The following EDN1 variants were observed in gnomAD, a reference collection of about 807,000 sequenced individuals.
EDN1 encodes endothelin 1.
In EDN1, 11 loss-of-function variants were observed where a neutral mutation model predicts 21.7. The ratio of observed to expected loss-of-function variants is 0.51; its 90% CI spans 0.32 to 0.84. The LOEUF (loss-of-function observed/expected upper bound fraction) is 0.84, where lower values mean the gene tolerates loss of function less well. Ranked by LOEUF, EDN1 falls within the 40% of genes least tolerant of loss-of-function variation. The pLI is 0.03. For missense variants in EDN1, 244 were observed against 262.3 expected (o/e 0.93, Z 0.48); for synonymous variants, 85 against 90.6 (o/e 0.94, Z 0.35).
the EDN1 span, among the ~76,000 whole-genome samples, chr6:12,277,231 G>T: frequency 1.3e-5 from 2 of 152,210 alleles, no homozygotes; most frequent in Admixed American, 6.5e-5. Context: ...ATGCTACTAG[G>T]AGATAGAATT....
the EDN1 span, among the ~76,000 whole-genome samples, chr6:12,281,058 A>G: frequency 6.6e-6 from 1 of 152,166 alleles, no homozygotes; most frequent in African/African-American, 2.4e-5. Flanking sequence ...AAGTCTGGCA[A>G]TTTCAGCTGG....
upstream of EDN1, among the ~76,000 whole-genome samples, chr6:12,289,859 A>T (rs1398144662): frequency 2.0e-5 from 3 of 152,192 alleles, no homozygotes; most frequent in African/African-American, 7.2e-5. Flanking sequence ...TCTGACCCCC[A>T]GTAGTGGGGC....
chr6:12,256,212 A>G, the EDN1 span, among the ~76,000 whole-genome samples: 1 of 152,080 alleles, frequency 6.6e-6, no homozygotes, highest in South Asian at 2.1e-4. Context: ...AAATAGCCAG[A>G]CATGGTGGTG....
At chr6:12,287,330 C>G (rs992656490), upstream of EDN1, among the ~76,000 whole-genome samples, 3 of 151,946 alleles carry the variant, frequency 2.0e-5, no homozygotes, top group Admixed American at 2.0e-4. Context: ...CTCCTTTGTC[C>G]AGCTCTTTTC....
chr6:12,271,363 T>G, the EDN1 span, among the ~76,000 whole-genome samples: 3 of 152,202 alleles, frequency 2.0e-5, no homozygotes, highest in Non-Finnish European at 4.4e-5. Context: ...TATTTTTCTT[T>G]GCAGTTATTC....
At chr6:12,293,404 C>T (rs10478715) in intron 2 of EDN1, among the ~76,000 whole-genome samples, 197 of 152,278 alleles carry the variant, frequency 1.3e-3, no homozygotes, top group African/African-American at 4.0e-3. Context: ...ATGGTACCAC[C>T]GACTGGCAGG....
chr6:12,268,935 T>A, the EDN1 span, among the ~76,000 whole-genome samples: 1 of 152,156 alleles, frequency 6.6e-6, no homozygotes, highest in Non-Finnish European at 1.5e-5. Flanking sequence ...ATGGACATTT[T>A]AACAATATTA....
the EDN1 span, among the ~76,000 whole-genome samples, chr6:12,245,108 T>C: frequency 6.6e-6 from 1 of 152,212 alleles, no homozygotes; most frequent in African/African-American, 2.4e-5. Flanking sequence ...TATTTCAGAA[T>C]GTAAGAAGTG....
the EDN1 span, among the ~76,000 whole-genome samples, chr6:12,250,447 C>G: frequency 1.3e-5 from 2 of 152,064 alleles, no homozygotes; most frequent in Non-Finnish European, 2.9e-5. Context: ...CAATTATTTG[C>G]CAATATTATT....
chr6:12,275,945 A>G, the EDN1 span, among the ~76,000 whole-genome samples: 1 of 151,982 alleles, frequency 6.6e-6, no homozygotes, highest in Admixed American at 6.5e-5. Flanking sequence ...GGTGGATCAC[A>G]AGGTCAGGAG....
chr6:12,261,688 T>G, the EDN1 span, among the ~76,000 whole-genome samples: 26 of 152,134 alleles, frequency 1.7e-4, no homozygotes, highest in East Asian at 4.8e-3. Flanking sequence ...TTGAGAATTA[T>G]GAGGGGAATT....
At chr6:12,269,257 C>G in the EDN1 span, among the ~76,000 whole-genome samples, 1 of 151,990 alleles carries the variant, frequency 6.6e-6, no homozygotes, top group East Asian at 1.9e-4. Flanking sequence ...TTTCTATATG[C>G]AAGTTCATAT....
In EDN1 at chr6:12,290,370, T is replaced by C; in HGVS notation, c.-260T>C. ...GAGAGCTGTCCAAGTCAGACGCGCC[T>C]CTGCATCTGCGCCAGGCGAACGGGT... On this transcript the variant is annotated 5_prime_UTR_variant, in exon 1 of 5. Coordinates refer to ENST00000379375, the MANE Select transcript of EDN1 (RefSeq NM_001955.5). 3.7e-6 allele frequency: 2 copies of C among 538,490 alleles called. No individual in the cohort carries two copies. Among genetic ancestry groups the C allele is most frequent in the Admixed American group, 3.1e-5 (1 of 31,764 alleles). The allele number at this position is 538,490 out of a possible 1,614,324, so 33.4% of individuals were successfully genotyped here. A position where few individuals can be genotyped will look rare whatever the true frequency, so the allele number is the denominator to read the frequency against.
At chr6:12,293,882 T>A in intron 2 of EDN1, 59 bp from the exon 3 acceptor site, 1 of 1,588,664 alleles carries the variant, frequency 6.3e-7, no homozygotes, top group Non-Finnish European at 8.6e-7. Flanking sequence ...TGTGTCCATG[T>A]GTCATTTTAA....
At chr6:12,272,098 T>C in the EDN1 span, among the ~76,000 whole-genome samples, 1 of 152,202 alleles carries the variant, frequency 6.6e-6, no homozygotes, top group Non-Finnish European at 1.5e-5. Context: ...AACAAAAGTC[T>C]ACATAAAAAA....
the EDN1 span, among the ~76,000 whole-genome samples, chr6:12,253,355 A>G: frequency 6.6e-6 from 1 of 152,240 alleles, no homozygotes; most frequent in Non-Finnish European, 1.5e-5. Flanking sequence ...AGTAAATTAA[A>G]CAGACAAAAA....
chr6:12,286,177 G>A (rs919841075), upstream of EDN1, among the ~76,000 whole-genome samples: 3 of 152,222 alleles, frequency 2.0e-5, no homozygotes, highest in African/African-American at 4.8e-5. Flanking sequence ...TGCTAGATTA[G>A]AGAATTGGAA....
chr6:12,256,254 G>T, the EDN1 span, among the ~76,000 whole-genome samples: 1 of 152,200 alleles, frequency 6.6e-6, no homozygotes, highest in Non-Finnish European at 1.5e-5. Context: ...TTGGGAGGCT[G>T]AGGCGGGAGG....
At chr6:12,237,427 C>A in the EDN1 span, among the ~76,000 whole-genome samples, 2 of 152,024 alleles carry the variant, frequency 1.3e-5, no homozygotes, top group Non-Finnish European at 2.9e-5. Flanking sequence ...AAGAGAAGAC[C>A]AAAAAGTCTT....
Sources: gnomAD v4.1 joint callset for allele counts (sites outside exome capture counted in the v4.1 genomes callset) on GRCh38, gnomAD v4.1.1 for gene constraint, MANE v1.5 for transcripts, NCBI Gene and HGNC (gene_info 2026-07-23, HGNC 2026-07-21) for gene names.